Variants in ARMC1 observed in about 807,000 individuals in gnomAD.
The protein encoded by ARMC1 is armadillo repeat containing 1.
In ARMC1, 16 loss-of-function variants were observed where a neutral mutation model predicts 31.4. The ratio of observed to expected loss-of-function variants is 0.51; its 90% CI spans 0.34 to 0.77. ARMC1 has a LOEUF of 0.77. ARMC1 is among the 30% of genes least tolerant of loss of function. The pLI is 0.01. For synonymous variants in ARMC1, 114 were observed against 118.9 expected (o/e 0.96, Z 0.27); for missense variants, 259 against 347.5 (o/e 0.75, Z 2.02).
chr8:65,618,517 G>C (rs1808324388), intron 3 of ARMC1, among the ~76,000 whole-genome samples: 2 of 85,576 alleles, frequency 2.3e-5, no homozygotes, highest in Admixed American at 2.6e-4. Context: ...GTGAGACTCA[G>C]TCTCAAAAAA....
At chr8:65,604,973 G>A (rs566363713) in intron 6 of ARMC1, among the ~76,000 whole-genome samples, 4 of 152,252 alleles carry the variant, frequency 2.6e-5, no homozygotes, top group Admixed American at 1.3e-4. Flanking sequence ...TTGCCCAGTG[G>A]TTACACCTTT....
intron 3 of ARMC1, among the ~76,000 whole-genome samples, chr8:65,622,040 C>T (rs758313958): frequency 9.9e-5 from 15 of 152,024 alleles, no homozygotes; most frequent in African/African-American, 1.4e-4. Context: ...GGGGTTCCAG[C>T]GGTTCTCCTC....
chr8:65,623,786 C>CTTT lies in ARMC1; in HGVS notation c.184-1435_184-1433dup, dbSNP rs201008780. ...ATGCCAGAAGACAACAAAGTAAAAT[C>CTTT]TTTTTTTTTTTTTTTTTTTTTTTTT... On this transcript the variant is annotated intron_variant, in intron 2 of 6. Transcript: ENST00000276569. Among the ~76,000 whole-genome samples, 62 of 26,062 alleles carry CTTT rather than the reference C, an allele frequency of 2.4e-3. 7 individuals carry two copies. The highest frequency in any genetic ancestry group is 0.045 in the Middle Eastern group (1 of 22). 17.1% of individuals were successfully genotyped at this position (26,062 alleles called of 152,430 possible).
rs191361906 is a variant in ARMC1 at position 65,621,046 on chromosome 8, C to T, written c.275+1217G>A. Among the ~76,000 whole-genome samples the T allele has an allele frequency of 8.3e-4, 127 of 152,238 alleles. 1 individual carries two copies. The highest frequency in any genetic ancestry group is 2.9e-3 in the Admixed American group (45 of 15,266). ...TTGGGAGGTTGAGGCTGCAGTGAGC[C>T]ATGATCATACCACTGCACTCTAGCC... is the stretch of plus-strand genomic sequence containing the variant. On this transcript the variant is annotated intron_variant, in intron 3 of 6. Transcript: ENST00000276569.
chr8:65,605,237 T>A, intron 6 of ARMC1, 26 bp downstream of exon 6: 1 of 1,580,594 alleles, frequency 6.3e-7, no homozygotes, highest in Non-Finnish European at 8.6e-7. Flanking sequence ...GAGTTGGATA[T>A]AAAGAAAATT....
Position 65,627,215 on chromosome 8 carries a change from C to G in ARMC1, c.183+1G>C. 1 of 1,536,720 alleles carries G rather than the reference C, an allele frequency of 6.5e-7. No individual in the cohort carries two copies. The highest frequency in any genetic ancestry group is 2.3e-5 in the East Asian group (1 of 42,964). ...GATTGAAATTACTAAAGGCAACTTA[C>G]AAGCAAAGCGGAGTGGACGACTGGA... On this transcript the variant is annotated splice_donor_variant, in intron 2 of 6. Coordinates refer to ENST00000276569, the MANE Select transcript of ARMC1 (RefSeq NM_018120.6). LOFTEE classifies it high-confidence loss of function.
chr8:65,605,396 C>T (rs1333833397), intron 5 of ARMC1, 26 bp downstream of exon 5: 1 of 1,612,602 alleles, frequency 6.2e-7, no homozygotes, highest in Non-Finnish European at 8.5e-7. Context: ...TAATCTCAAG[C>T]ATATTCAGTC....
chr8:65,607,565 T>C (rs1808031486), intron 4 of ARMC1, among the ~76,000 whole-genome samples: 1 of 152,192 alleles, frequency 6.6e-6, no homozygotes, highest in Admixed American at 6.5e-5. Flanking sequence ...CCAACTATGC[T>C]AGCTCCAAGA....
Position 65,609,631 on chromosome 8 carries a change from G to T in ARMC1, c.465+3613C>A, listed in dbSNP as rs184513543. ...TCCCAACACTTTGGGAGGCCAAGGC[G>T]GGTGGATCACAAGGTCAGGAGTTCG... On this transcript the variant is annotated intron_variant, in intron 4 of 6. Transcript: ENST00000276569. Among the ~76,000 whole-genome samples the T allele has an allele frequency of 1.7e-3, 257 of 152,138 alleles. 1 individual carries two copies. Among genetic ancestry groups the T allele is most frequent in the South Asian group, 7.7e-3 (37 of 4,812 alleles).
chr8:65,617,733 C>T (rs1808302568), intron 3 of ARMC1, among the ~76,000 whole-genome samples: 1 of 152,044 alleles, frequency 6.6e-6, no homozygotes, highest in African/African-American at 2.4e-5. Flanking sequence ...GTACTACGCT[C>T]ACTCTCCGGG....
intron 4 of ARMC1, among the ~76,000 whole-genome samples, chr8:65,609,877 G>GAAACGA (rs1808089869): frequency 2.5e-5 from 2 of 80,192 alleles, no homozygotes; most frequent in African/African-American, 1.1e-4. Flanking sequence ...AAAAAAAAAA[G>GAAACGA]AAAAGAAAAA....
At chr8:65,608,919 T>G (rs953260196) in intron 4 of ARMC1, among the ~76,000 whole-genome samples, 5 of 151,616 alleles carry the variant, frequency 3.3e-5, no homozygotes, top group Non-Finnish European at 7.4e-5. Flanking sequence ...TCAAAAAAAA[T>G]AAAGAAAGAA....
At chr8:65,626,229 T>G (rs1808509035) in intron 2 of ARMC1, among the ~76,000 whole-genome samples, 1 of 152,064 alleles carries the variant, frequency 6.6e-6, no homozygotes, top group South Asian at 2.1e-4. Context: ...TTTGCCAGAA[T>G]AGGCAAATAT....
chr8:65,616,590 G>A (rs1347391930), intron 3 of ARMC1, among the ~76,000 whole-genome samples: 9 of 151,874 alleles, frequency 5.9e-5, no homozygotes, highest in African/African-American at 9.7e-5. Flanking sequence ...CTGCCTGGCC[G>A]CCCATCGTCT....
At chr8:65,618,521 C>CA (rs34079304) in intron 3 of ARMC1, among the ~76,000 whole-genome samples, 18,321 of 98,596 alleles carry the variant, frequency 0.19, 2,754 homozygotes, top group East Asian at 0.64. Flanking sequence ...GACTCAGTCT[C>CA]AAAAAAAAAA....
chr8:65,616,918 G>A (rs1202384750), intron 3 of ARMC1, among the ~76,000 whole-genome samples: 1 of 151,696 alleles, frequency 6.6e-6, no homozygotes, highest in Non-Finnish European at 1.5e-5. Flanking sequence ...TCTGAGAAGT[G>A]AGGAGCCCCT....
At position 65,605,547 on chromosome 8, in the gene ARMC1, G is replaced by T. The variant is rs757342203; in HGVS notation, c.466-9C>A. Reference sequence around the variant, plus strand: ...CATAGATTTCTCCGAGACTGAAAAAGTAAAAGCAAATTGTTATGAAAATAG... The same window carrying T: ...CATAGATTTCTCCGAGACTGAAAAATTAAAAGCAAATTGTTATGAAAATAG... On this transcript the variant is annotated splice_polypyrimidine_tract_variant and intron_variant, in intron 4 of 6. Transcript: ENST00000276569. 6.4e-7 allele frequency: 1 copy of T among 1,570,790 alleles called. No homozygotes were observed. The highest frequency in any genetic ancestry group is 8.8e-7 in the Non-Finnish European group (1 of 1,141,050).
At chr8:65,611,663 G>A (rs566452094) in intron 4 of ARMC1, among the ~76,000 whole-genome samples, 5 of 151,984 alleles carry the variant, frequency 3.3e-5, no homozygotes, top group East Asian at 1.9e-4. Flanking sequence ...TAAACAGTTA[G>A]GCATCTGGAG....
chr8:65,616,554 C>T (rs1432284823), intron 3 of ARMC1, among the ~76,000 whole-genome samples: 6 of 152,202 alleles, frequency 3.9e-5, no homozygotes, highest in East Asian at 1.9e-4. Context: ...CCGGCCGCCA[C>T]CCCGTCTGGG....
Sources: gnomAD v4.1 joint callset for allele counts (sites outside exome capture counted in the v4.1 genomes callset) on GRCh38, gnomAD v4.1.1 for gene constraint, MANE v1.5 for transcripts, NCBI Gene and HGNC (gene_info 2026-07-23, HGNC 2026-07-21) for gene names.